The following ANKRD36B variants were observed in gnomAD, a reference collection of about 807,000 sequenced individuals.
ANKRD36B encodes ankyrin repeat domain 36B, also known as ankyrin repeat domain-containing protein 36B.
In ANKRD36B, 37 loss-of-function variants were observed where a neutral mutation model predicts 135.7. The ratio of observed to expected loss-of-function variants is 0.27; its 90% CI spans 0.21 to 0.36. The LOEUF (loss-of-function observed/expected upper bound fraction) is 0.36. Among genes scored for constraint, ANKRD36B ranks in the 10% least tolerant of loss-of-function variants. The probability of loss-of-function intolerance (pLI) is 1.00; values close to 1 mark genes in which losing one functional copy is unlikely to be tolerated. For synonymous variants in ANKRD36B, 179 were observed against 348.1 expected (o/e 0.51, Z 5.41); for missense variants, 549 against 1,037.1 (o/e 0.53, Z 6.46).
At chr2:97,551,217 C>A (rs1189133914) in intron 18 of ANKRD36B, 72 bp downstream of exon 18, 9 of 1,518,778 alleles carry the variant, frequency 5.9e-6, no homozygotes, top group Admixed American at 2.0e-5. Context: ...ACCAGCCCCC[C>A]ACTGATTTAT....
At chr2:97,528,564 T>C (rs1440216941) in intron 35 of ANKRD36B, among the ~76,000 whole-genome samples, 1 of 91,216 alleles carries the variant, frequency 1.1e-5, no homozygotes, top group Non-Finnish European at 2.9e-5. Flanking sequence ...AGAGCAGAAC[T>C]GAAGGAAATA....
intron 6 of ANKRD36B, among the ~76,000 whole-genome samples, chr2:97,568,053 T>C (rs2442269): frequency 1.8e-4 from 27 of 152,320 alleles, no homozygotes; most frequent in South Asian, 8.3e-4. Context: ...ATAACTTTTA[T>C]TACAGTATAT....
intron 20 of ANKRD36B, 57 bp from the exon 21 acceptor site, chr2:97,547,788 C>T (rs1451470001): frequency 1.1e-5 from 17 of 1,532,474 alleles, no homozygotes; most frequent in Non-Finnish European, 1.5e-5. Context: ...AAATTATCCA[C>T]ACATTCACGC....
Position 97,579,101 on chromosome 2 carries a change from A to G in ANKRD36B, c.558-58T>C. Reference sequence around the variant, plus strand: ...ATGACATTTTAAAAGCTAAGTTTATATACTTTATCAACTTAACATGTTGCC... The same window carrying G: ...ATGACATTTTAAAAGCTAAGTTTATGTACTTTATCAACTTAACATGTTGCC... On this transcript the variant is annotated intron_variant, in intron 4 of 43. Coordinates refer to ENST00000359901, the MANE Select transcript of ANKRD36B (RefSeq NM_001393939.1). The G allele has an allele frequency of 5.4e-6, 8 of 1,493,154 alleles. No homozygotes were observed. In the South Asian group the frequency reaches 8.8e-5, roughly 16 times the overall value. The allele number at this position is 1,493,154 out of a possible 1,614,324, so 92.5% of individuals were successfully genotyped here. A position where few individuals can be genotyped will look rare whatever the true frequency, so the allele number is the denominator to read the frequency against.
chr2:97,523,598 T>A lies in ANKRD36B; in HGVS notation c.2266-131A>T, dbSNP rs1441875567. The A allele has an allele frequency of 2.2e-5, 13 of 578,668 alleles. 4 individuals are homozygous for A. Among genetic ancestry groups the A allele is most frequent in the African/African-American group, 1.2e-4 (6 of 48,298 alleles). The allele number at this position is 578,668 out of a possible 1,614,324, so 35.8% of individuals were successfully genotyped here. ...AGGTACCTGTTCCATACTTTTTTTT[T>A]AAGCAATTTCCTTTATGTTGACTCT... is the stretch of plus-strand genomic sequence containing the variant. On this transcript the variant is annotated intron_variant, in intron 35 of 43. Transcript: ENST00000359901.
chr2:97,496,853 A>ATATATG (rs1553508872), intron 43 of ANKRD36B, among the ~76,000 whole-genome samples: 1 of 72,212 alleles, frequency 1.4e-5, no homozygotes, highest in African/African-American at 6.4e-5. Context: ...ATATATATAT[A>ATATATG]TATATATCTT....
In ANKRD36B at chr2:97,528,166, C is replaced by T. The variant is rs1178622568; in HGVS notation, c.2265+4145G>A. 3.1e-5 allele frequency among the ~76,000 whole-genome samples: 3 copies of T among 95,812 alleles called. 1 individual carries two copies. Among genetic ancestry groups the T allele is most frequent in the African/African-American group, 9.4e-5 (3 of 31,830 alleles). The allele number at this position is 95,812 out of a possible 152,430, so 62.9% of individuals were successfully genotyped here. ...ACATAGTTGGAAGTAAAGCTCTCCTCAGCAAATGTAAAAGTACAGAAAGTA... is the reference window on the plus strand; with the variant it reads ...ACATAGTTGGAAGTAAAGCTCTCCTTAGCAAATGTAAAAGTACAGAAAGTA... On this transcript the variant is annotated intron_variant, in intron 35 of 43. Transcript: ENST00000359901.
intron 22 of ANKRD36B, 62 bp from the exon 23 acceptor site, chr2:97,545,923 T>G: frequency 1.1e-6 from 1 of 874,836 alleles, no homozygotes; most frequent in East Asian, 2.6e-5. Context: ...ATCCATACAT[T>G]CATACAGTGT....
chr2:97,561,589 A>G (rs1035198370), intron 6 of ANKRD36B, among the ~76,000 whole-genome samples: 28 of 151,930 alleles, frequency 1.8e-4, no homozygotes, highest in African/African-American at 6.0e-4. Flanking sequence ...CTTTTACAAA[A>G]TAAAGTTTCT....
At chr2:97,531,039 T>A (rs373107591) in intron 35 of ANKRD36B, among the ~76,000 whole-genome samples, 5 of 94,222 alleles carry the variant, frequency 5.3e-5, no homozygotes, top group East Asian at 4.7e-4. Flanking sequence ...CATTTGACCC[T>A]GCCATCCCAT....
At chr2:97,534,747 A>G (rs1224699362) in intron 34 of ANKRD36B, among the ~76,000 whole-genome samples, 2 of 97,192 alleles carry the variant, frequency 2.1e-5, no homozygotes, top group African/African-American at 3.1e-5. Context: ...GAATTAGTAC[A>G]GTCACTATGG....
intron 6 of ANKRD36B, among the ~76,000 whole-genome samples, chr2:97,562,741 C>T (rs2081139924): frequency 6.6e-6 from 1 of 152,040 alleles, no homozygotes; most frequent in African/African-American, 2.4e-5. Flanking sequence ...GACATCTGTA[C>T]AGTCCCATTC....
Position 97,563,488 on chromosome 2 carries a change from C to T in ANKRD36B, c.764-2628G>A, listed in dbSNP as rs551179426. ...CAAAAACCAGAGCAATATGGCTTTA[C>T]GGGGTGTTTCTTCATCAAAGTCCTA... On this transcript the variant is annotated intron_variant, in intron 6 of 43. Coordinates refer to ENST00000359901, the MANE Select transcript of ANKRD36B (RefSeq NM_001393939.1). Among the ~76,000 whole-genome samples the T allele has an allele frequency of 4.0e-5, 6 of 151,734 alleles. No homozygotes were observed. In the East Asian group the frequency reaches 5.8e-4, roughly 15 times the overall value.
chr2:97,532,653 G>A lies in ANKRD36B; in HGVS notation c.2192-269C>T. On this transcript the variant is annotated intron_variant, in intron 34 of 43. Transcript: ENST00000359901. The stretch of plus-strand genomic sequence containing the variant: ...CAGGAGAATGGCGTCAGCCCGGGAG[G>A]TGGAGCTTGCAGTGAGCTGAAGATC... Among the ~76,000 whole-genome samples, 2 of 92,270 alleles carry A rather than the reference G, an allele frequency of 2.2e-5. 1 individual carries two copies. The allele number at this position is 92,270 out of a possible 152,430, so 60.5% of individuals were successfully genotyped here. A position where few individuals can be genotyped will look rare whatever the true frequency, so the allele number is the denominator to read the frequency against.
At chr2:97,533,311 C>T (rs887227948) in intron 34 of ANKRD36B, among the ~76,000 whole-genome samples, 2 of 97,148 alleles carry the variant, frequency 2.1e-5, no homozygotes, top group African/African-American at 6.2e-5. Context: ...CTAACTATAA[C>T]TGAAATAGAA....
intron 43 of ANKRD36B, chr2:97,504,761 CA>C (rs2077362681): frequency 6.4e-5 from 1 of 15,506 alleles, no homozygotes; most frequent in East Asian, 7.0e-4. Context: ...GGCCAAGAAA[CA>C]TCATTTAAAA....
intron 6 of ANKRD36B, among the ~76,000 whole-genome samples, chr2:97,566,315 C>T (rs907907466): frequency 6.6e-6 from 1 of 151,800 alleles, no homozygotes; most frequent in Non-Finnish European, 1.5e-5. Flanking sequence ...AGTGAGACTT[C>T]ATCTCAAAAG....
chr2:97,580,606 A>G, intron 3 of ANKRD36B, 38 bp from the exon 4 acceptor site: 1 of 1,514,992 alleles, frequency 6.6e-7, no homozygotes, highest in Non-Finnish European at 8.9e-7. Context: ...TCACAAAATT[A>G]CATATTTATC....
intron 20 of ANKRD36B, 107 bp downstream of exon 20, chr2:97,549,312 T>C (rs981780634): frequency 1.5e-6 from 2 of 1,341,444 alleles, no homozygotes; most frequent in African/African-American, 1.4e-5. Flanking sequence ...TCTGGCCTGC[T>C]GAATCAGAAA....
Sources: gnomAD v4.1 joint callset for allele counts (sites outside exome capture counted in the v4.1 genomes callset) on GRCh38, gnomAD v4.1.1 for gene constraint, MANE v1.5 for transcripts, NCBI Gene and HGNC (gene_info 2026-07-23, HGNC 2026-07-21) for gene names.